Variants in CD302 observed in about 807,000 individuals in gnomAD.
The protein encoded by CD302 is CD302 molecule, also known as CD302 antigen.
In CD302, 23 loss-of-function variants were observed where a neutral mutation model predicts 26.5. That is an observed-to-expected ratio of 0.87 (90% CI 0.62 to 1.23). The LOEUF is 1.23. CD302 is among the 50% of genes most tolerant of loss of function. The pLI, the probability that CD302 is intolerant of heterozygous loss-of-function variation, is 0.00. For synonymous variants in CD302, 90 were observed against 99.4 expected, an observed-to-expected ratio of 0.91 and a Z score of 0.56; for missense variants, 290 against 275.5, an observed-to-expected ratio of 1.05 and a Z score of -0.37.
At chr2:159,784,972 C>CTTTTTTTTTTT (rs35915930) in intron 1 of CD302, among the ~76,000 whole-genome samples, 1 of 111,732 alleles carries the variant, frequency 8.9e-6, no homozygotes, top group Non-Finnish European at 1.8e-5. Flanking sequence ...TCCGTACAGA[C>CTTTTTTTTTTT]TTTTTTTTTT....
At position 159,770,730 on chromosome 2, in the gene CD302, A is replaced by G. The variant is rs1708118066; in HGVS notation, c.*1121T>C. On this transcript the variant is annotated 3_prime_UTR_variant, in exon 6 of 6. Coordinates refer to ENST00000259053, the MANE Select transcript of CD302 (RefSeq NM_014880.5). Reference sequence around the variant, plus strand: ...TACAATTGTCTGCAGTATTCAGCACAGTAACATGCTGTGTAGGTTTGGGAC... The same window carrying G: ...TACAATTGTCTGCAGTATTCAGCACGGTAACATGCTGTGTAGGTTTGGGAC... 1 of 152,214 alleles carries G rather than the reference A, an allele frequency of 6.6e-6. No individual in the cohort carries two copies. Among genetic ancestry groups the G allele is most frequent in the Non-Finnish European group, 1.5e-5 (1 of 68,020 alleles). 9.4% of individuals were successfully genotyped at this position (152,214 alleles called of 1,614,324 possible).
rs1186333048 is a variant in CD302 at position 159,780,112 on chromosome 2, T to C, written c.362A>G (p.Asp121Gly). The change falls in exon 4 of 6, where the codon GAT (aspartate) becomes GGT (glycine). Residue 121 changes from aspartate (D) to glycine (G), a missense_variant. Transcript: ENST00000259053. The part of the protein sequence containing the change: ...TFDKWTDQDD[D>G]EDLVDTCAFL... The stretch of plus-strand genomic sequence containing the variant: ...AGCACAGGTGTCAACTAAATCCTCA[T>C]CATCATCTTGGTCTGTCCACTTATC... The C allele has an allele frequency of 2.5e-6, 4 of 1,614,164 alleles. No homozygotes were observed. The highest frequency in any genetic ancestry group is 1.7e-6 in the Non-Finnish European group (2 of 1,180,026).
intron 2 of CD302, 85 bp downstream of exon 2, chr2:159,783,274 T>C: frequency 8.9e-7 from 1 of 1,125,080 alleles, no homozygotes; most frequent in Non-Finnish European, 1.2e-6. Context: ...AAAAGTCAGA[T>C]GTGACAAAAT....
At chr2:159,772,078 A>G in intron 5 of CD302, 25 bp from the exon 6 acceptor site, 1 of 1,610,326 alleles carries the variant, frequency 6.2e-7, no homozygotes, top group South Asian at 1.1e-5. Flanking sequence ...ACAAAAGAGT[A>G]TTTGGGAAAT....
At chr2:159,784,997 CAG>C (rs1156852946) in intron 1 of CD302, among the ~76,000 whole-genome samples, 8 of 118,848 alleles carry the variant, frequency 6.7e-5, no homozygotes, top group African/African-American at 2.5e-4. Context: ...TTTTTTGAGA[CAG>C]AGTCTTACTC....
In CD302 at chr2:159,771,680, T is replaced by A; in HGVS notation, c.*171A>T. ...CTAAGATCATTTCTAAAACCTGTTT[T>A]TTTAATGAACCTAAAGACTTTTCAC... On this transcript the variant is annotated 3_prime_UTR_variant, in exon 6 of 6. Coordinates refer to ENST00000259053, the MANE Select transcript of CD302 (RefSeq NM_014880.5). The A allele has an allele frequency of 1.3e-6, 1 of 763,450 alleles. No individual in the cohort carries two copies. Among genetic ancestry groups the A allele is most frequent in the Non-Finnish European group, 2.0e-6 (1 of 498,180 alleles). The allele number at this position is 763,450 out of a possible 1,614,324, so 47.3% of individuals were successfully genotyped here.
chr2:159,776,697 A>ATTTTTT (rs753454427), intron 5 of CD302, among the ~76,000 whole-genome samples: 1 of 114,594 alleles, frequency 8.7e-6, no homozygotes. Flanking sequence ...CTCACATCCA[A>ATTTTTT]TTTTTTTTTT....
At chr2:159,774,145 A>G (rs565837599) in intron 5 of CD302, among the ~76,000 whole-genome samples, 3 of 151,568 alleles carry the variant, frequency 2.0e-5, no homozygotes, top group Admixed American at 6.6e-5. Context: ...TGACTGCTCT[A>G]TTTTTCAGAC....
chr2:159,790,029 C>A (rs1708767257), intron 1 of CD302, among the ~76,000 whole-genome samples: 1 of 152,172 alleles, frequency 6.6e-6, no homozygotes, highest in South Asian at 2.1e-4. Context: ...TAGCCAGATG[C>A]AAAATTCCAT....
chr2:159,780,756 C>G (rs2303552), intron 3 of CD302, 126 bp downstream of exon 3: 1 of 840,320 alleles, frequency 1.2e-6, no homozygotes, highest in Non-Finnish European at 2.0e-6. Context: ...TAGGTGCACA[C>G]TGAAAATTTA....
At chr2:159,784,867 G>T (rs561359292) in intron 1 of CD302, among the ~76,000 whole-genome samples, 3 of 151,940 alleles carry the variant, frequency 2.0e-5, no homozygotes, top group Non-Finnish European at 4.4e-5. Context: ...AGATTGCTTC[G>T]CAGTCTTATA....
Position 159,796,836 on chromosome 2 carries a change from A to C in CD302, c.67+1296T>G, listed in dbSNP as rs192995058. 1.8e-3 allele frequency among the ~76,000 whole-genome samples: 273 copies of C among 152,330 alleles called. 1 individual carries two copies. The highest frequency in any genetic ancestry group is 3.1e-3 in the Admixed American group (47 of 15,310). On this transcript the variant is annotated intron_variant, in intron 1 of 5. Transcript: ENST00000259053. ...GTCTGACAAGAAAGAAAAATCTGAC[A>C]AGAAAATTCGACTAGCCTAAAGTAC... is the stretch of plus-strand genomic sequence containing the variant.
intron 1 of CD302, among the ~76,000 whole-genome samples, chr2:159,793,831 G>T (rs1339936241): frequency 1.3e-5 from 2 of 152,026 alleles, no homozygotes; most frequent in African/African-American, 4.8e-5. Flanking sequence ...TCTCCATATT[G>T]TCCCATCACT....
intron 2 of CD302, among the ~76,000 whole-genome samples, chr2:159,782,535 C>A (rs922202101): frequency 6.6e-6 from 1 of 151,330 alleles, no homozygotes; most frequent in African/African-American, 2.4e-5. Context: ...GAGTTTCAGA[C>A]CAGCCTGGGC....
At chr2:159,788,805 T>A (rs1708733219) in intron 1 of CD302, among the ~76,000 whole-genome samples, 1 of 152,236 alleles carries the variant, frequency 6.6e-6, no homozygotes. Context: ...TTTTGAAAAG[T>A]TCTTGGCCAT....
At chr2:159,791,916 G>A (rs1308731103) in intron 1 of CD302, among the ~76,000 whole-genome samples, 1 of 152,212 alleles carries the variant, frequency 6.6e-6, no homozygotes, top group Admixed American at 6.5e-5. Context: ...TTATGCAAAA[G>A]GAAGACAAAT....
intron 1 of CD302, among the ~76,000 whole-genome samples, chr2:159,797,575 C>T (rs1329669712): frequency 1.3e-5 from 2 of 152,180 alleles, no homozygotes; most frequent in South Asian, 2.1e-4. Flanking sequence ...TGCCTATTCC[C>T]GTTCCTCTTC....
chr2:159,780,021 T>C lies in CD302; in HGVS notation c.453A>G (p.Thr151=). Residue 151 remains threonine (T), a synonymous_variant, in exon 4 of 6, where the codon ACA becomes ACG. Transcript: ENST00000259053. ...CATACTTACTAGCTGTTTTGCATAGTGTTCCTTCCACAGAAGAAACTTCAC... is the reference window on the plus strand; with the variant it reads ...CATACTTACTAGCTGTTTTGCATAGCGTTCCTTCCACAGAAGAAACTTCAC... ...GNCEVSSVEG[T]LCKTAIPYKR... The C allele has an allele frequency of 6.2e-7, 1 of 1,614,030 alleles. No homozygotes were observed. Among genetic ancestry groups the C allele is most frequent in the Non-Finnish European group, 8.5e-7 (1 of 1,179,936 alleles).
chr2:159,787,415 C>T (rs1353628956), intron 1 of CD302, among the ~76,000 whole-genome samples: 3 of 151,658 alleles, frequency 2.0e-5, no homozygotes, highest in Non-Finnish European at 4.4e-5. Context: ...CATTTATTGT[C>T]TTTTTTGTAT....
Sources: gnomAD v4.1 joint callset for allele counts (sites outside exome capture counted in the v4.1 genomes callset) on GRCh38, gnomAD v4.1.1 for gene constraint, MANE v1.5 for transcripts, NCBI Gene and HGNC (gene_info 2026-07-23, HGNC 2026-07-21) for gene names.